The following SLC50A1 variants were observed in gnomAD, a reference collection of about 807,000 sequenced individuals.
The protein encoded by SLC50A1 is solute carrier family 50 member 1.
Under a neutral mutation model 28.9 loss-of-function variants are expected in SLC50A1, and 22 were observed. The ratio of observed to expected loss-of-function variants is 0.76; its 90% CI spans 0.54 to 1.09. SLC50A1 has a LOEUF of 1.09. Among genes scored for constraint, SLC50A1 ranks in the 50% least tolerant of loss-of-function variants. The pLI, the probability that SLC50A1 is intolerant of heterozygous loss-of-function variation, is 0.00. For missense variants in SLC50A1, 233 were observed against 273.4 expected (o/e 0.85, Z 1.04); for synonymous variants, 96 against 110.6 (o/e 0.87, Z 0.83).
intron 2 of SLC50A1, 93 bp from the exon 3 acceptor site, chr1:155,136,735 T>G (rs1488853661): frequency 3.2e-5 from 48 of 1,511,098 alleles, no homozygotes; most frequent in Middle Eastern, 1.9e-4. Context: ...AGAGCGAGAC[T>G]ACGTCTCAAA....
At position 155,136,882 on chromosome 1, in the gene SLC50A1, C is replaced by T. The variant is rs541286459; in HGVS notation, c.213C>T (p.Val71=). 3.1e-6 allele frequency: 5 copies of T among 1,614,214 alleles called. No individual in the cohort carries two copies. The highest frequency in any genetic ancestry group is 2.7e-5 in the African/African-American group (2 of 75,066). ...TGAAGGGAGACGGGATCCTCATCGTCGTCAACACAGTGGGTGCTGCGCTTC... is the reference window on the plus strand; with the variant it reads ...TGAAGGGAGACGGGATCCTCATCGTTGTCAACACAGTGGGTGCTGCGCTTC... ...GALKGDGILI[V]VNTVGAALQT... is the part of the protein sequence containing the mutation. The change falls in exon 3 of 6, where the codon GTC becomes GTT. Residue 71 remains valine, a synonymous_variant. Transcript: ENST00000368404.
At chr1:155,135,489 C>CTGAA (rs760954188), upstream of SLC50A1, 790 of 1,197,840 alleles carry the variant, frequency 6.6e-4, no homozygotes, top group Non-Finnish European at 8.5e-4. Flanking sequence ...GGAAAGCGTG[C>CTGAA]TGAAGTCTTG....
intron 2 of SLC50A1, 110 bp downstream of exon 2, chr1:155,136,486 G>C (rs1031885260): frequency 9.9e-7 from 1 of 1,007,284 alleles, no homozygotes; most frequent in Non-Finnish European, 1.5e-6. Context: ...GCTCACGCCT[G>C]TAATCCCTGC....
At chr1:155,135,827 C>T, upstream of SLC50A1, 1 of 1,587,392 alleles carries the variant, frequency 6.3e-7, no homozygotes, top group South Asian at 1.1e-5. Flanking sequence ...GGCGGGGCTC[C>T]AGAGCCGCAG....
chr1:155,137,265 T>A, intron 3 of SLC50A1: 1 of 545,276 alleles, frequency 1.8e-6, no homozygotes, highest in South Asian at 2.3e-5. Flanking sequence ...TGGGTGAGAA[T>A]GAGATGATTA....
chr1:155,135,697 T>A, upstream of SLC50A1: 1 of 1,550,050 alleles, frequency 6.5e-7, no homozygotes, highest in Non-Finnish European at 8.7e-7. Context: ...ACCAGGGTAC[T>A]GGGAAGGCGC....
In SLC50A1 at chr1:155,136,861, G is replaced by T. The variant is rs369511490; in HGVS notation, c.192G>T (p.Lys64Asn). 1.2e-6 allele frequency: 2 copies of T among 1,614,100 alleles called. No homozygotes were observed. The highest frequency in any genetic ancestry group is 1.1e-5 in the South Asian group (1 of 91,094). ...NLGWLSYGAL[K>N]GDGILIVVNT... is the part of the protein sequence containing the mutation. ...GCTGGCTGAGTTATGGGGCTTTGAA[G>T]GGAGACGGGATCCTCATCGTCGTCA... is the stretch of plus-strand genomic sequence containing the variant. Residue 64 changes from lysine (K) to asparagine (N), a missense_variant, in exon 3 of 6, where the codon AAG (lysine) becomes AAT (asparagine). Lys to Asn is a moderately conservative substitution (Grantham distance 94, BLOSUM62 0). Coordinates refer to ENST00000368404, the MANE Select transcript of SLC50A1 (RefSeq NM_018845.4).
At chr1:155,136,122 G>C in intron 1 of SLC50A1, 131 bp downstream of exon 1, 1 of 1,207,788 alleles carries the variant, frequency 8.3e-7, no homozygotes, top group African/African-American at 1.5e-5. Flanking sequence ...CGAGGGGACC[G>C]GGGTACAAGG....
At position 155,136,915 on chromosome 1, in the gene SLC50A1, GTA is replaced by G. The variant is rs1157548278; in HGVS notation, c.250_251del (p.Ile84LeufsTer39). 13 of 1,614,098 alleles carry G rather than the reference GTA, an allele frequency of 8.1e-6. No homozygotes were observed. The highest frequency in any genetic ancestry group is 1.0e-5 in the Non-Finnish European group (12 of 1,180,040). On this transcript the variant is annotated frameshift_variant, in exon 3 of 6. Transcript: ENST00000368404. LOFTEE classifies it high-confidence loss of function. Reference protein sequence around the residue: ...NTVGAALQTLYILAYLHYCPR... With the variant: ...NTVGAALQTLXILAYLHYCPR... The stretch of plus-strand genomic sequence containing the variant: ...CAGTGGGTGCTGCGCTTCAGACCCT[GTA>G]TATCTTGGCATATCTGCATTACTGC...
At position 155,135,901 on chromosome 1, in the gene SLC50A1, C is replaced by G; in HGVS notation, c.-11C>G. On this transcript the variant is annotated 5_prime_UTR_variant, in exon 1 of 6. Transcript: ENST00000368404. ...GGCGGGCGCTGGGCGCGGGATCCGA[C>G]TCTAGTCGTAATGGAGGCGGGCGGC... 1 of 1,613,514 alleles carries G rather than the reference C, an allele frequency of 6.2e-7. No individual in the cohort carries two copies. The highest frequency in any genetic ancestry group is 8.5e-7 in the Non-Finnish European group (1 of 1,179,842).
In SLC50A1 at chr1:155,137,626, G is replaced by C; in HGVS notation, c.348G>C (p.Trp116Cys). The stretch of plus-strand genomic sequence containing the variant: ...TTCTCCTGGGTTATGGCTACTTTTG[G>C]CTCCTGGTACCCAACCCTGAGGCCC... ...GVLLLGYGYF[W>C]LLVPNPEARL... is the part of the protein sequence containing the mutation. Residue 116 changes from tryptophan to cysteine, a missense_variant, in exon 4 of 6, where the codon TGG becomes TGC. Trp to Cys is a radical substitution (Grantham distance 215). Coordinates refer to ENST00000368404, the MANE Select transcript of SLC50A1 (RefSeq NM_018845.4). The C allele has an allele frequency of 6.2e-7, 1 of 1,614,204 alleles. No individual in the cohort carries two copies. Among genetic ancestry groups the C allele is most frequent in the Non-Finnish European group, 8.5e-7 (1 of 1,180,032 alleles).
intron 2 of SLC50A1, 33 bp downstream of exon 2, chr1:155,136,409 G>T (rs567617462): frequency 6.3e-7 from 1 of 1,595,886 alleles, no homozygotes; most frequent in Non-Finnish European, 8.6e-7. Flanking sequence ...AGTGGGAAAG[G>T]CTACCAGAGG....
rs1664638064 is a variant in SLC50A1, at chr1:155,138,617, G to C, written c.*336G>C. 1 of 260,190 alleles carries C rather than the reference G, an allele frequency of 3.8e-6. No homozygotes were observed. The highest frequency in any genetic ancestry group is 2.2e-5 in the African/African-American group (1 of 45,018). The allele number at this position is 260,190 out of a possible 1,614,324, so 16.1% of individuals were successfully genotyped here. A position where few individuals can be genotyped will look rare whatever the true frequency, so the allele number is the denominator to read the frequency against. ...AGGTGGGCGGATCGCCTGAGGTCAGGAGTTCAAGACCAACCTGACTAACAT... is the reference window on the plus strand; with the variant it reads ...AGGTGGGCGGATCGCCTGAGGTCAGCAGTTCAAGACCAACCTGACTAACAT... On this transcript the variant is annotated 3_prime_UTR_variant, in exon 6 of 6. Coordinates refer to ENST00000368404, the MANE Select transcript of SLC50A1 (RefSeq NM_018845.4).
intron 3 of SLC50A1, 24 bp from the exon 4 acceptor site, chr1:155,137,537 G>T (rs1373910296): frequency 3.7e-6 from 6 of 1,613,034 alleles, no homozygotes; most frequent in Non-Finnish European, 5.1e-6. Context: ...ACATCTGGAA[G>T]TAAGGGTACT....
chr1:155,135,733 G>T, upstream of SLC50A1: 1 of 1,549,458 alleles, frequency 6.5e-7, no homozygotes, highest in Non-Finnish European at 8.7e-7. Context: ...GCGAGTTCCG[G>T]TTCGGCGTCG....
In SLC50A1 at chr1:155,138,487, G is replaced by A; in HGVS notation, c.*206G>A. ...ATGAAATCACTTTTTATTTTTTAGA[G>A]ATTTTTTTTTTTAATTTTGGAGGTT... On this transcript the variant is annotated 3_prime_UTR_variant, in exon 6 of 6. Transcript: ENST00000368404. 5.2e-6 allele frequency: 3 copies of A among 576,126 alleles called. No homozygotes were observed. Among genetic ancestry groups the A allele is most frequent in the South Asian group, 4.7e-5 (2 of 42,310 alleles). 35.7% of individuals were successfully genotyped at this position (576,126 alleles called of 1,614,324 possible).
intron 4 of SLC50A1, 123 bp downstream of exon 4, chr1:155,137,845 T>G (rs1205346866): frequency 6.3e-7 from 1 of 1,576,584 alleles, no homozygotes; most frequent in Non-Finnish European, 8.6e-7. Context: ...GCAGTAGAAG[T>G]GGGCGAGTGG....
At chr1:155,137,454 A>G (rs1163091948) in intron 3 of SLC50A1, 107 bp from the exon 4 acceptor site, 3 of 1,409,822 alleles carry the variant, frequency 2.1e-6, no homozygotes, top group Non-Finnish European at 2.9e-6. Flanking sequence ...CTGGAGGCCT[A>G]GACAGCTTGG....
Position 155,135,947 on chromosome 1 carries a change from C to T in SLC50A1, c.36C>T (p.Tyr12=). ...EAGGFLDSLI[Y]GACVVFTLGM... Reference sequence around the variant, plus strand: ...GCGGCTTTCTGGACTCGCTCATTTACGGAGCATGCGTGGTCTTCACCCTTG... The same window carrying T: ...GCGGCTTTCTGGACTCGCTCATTTATGGAGCATGCGTGGTCTTCACCCTTG... Residue 12 remains tyrosine (Y), a synonymous_variant, in exon 1 of 6, where the codon TAC becomes TAT. Transcript: ENST00000368404. 1.9e-6 allele frequency: 3 copies of T among 1,614,050 alleles called. No homozygotes were observed. Among genetic ancestry groups the T allele is most frequent in the Non-Finnish European group, 2.5e-6 (3 of 1,180,010 alleles).
Sources: gnomAD v4.1 joint callset for allele counts on GRCh38, gnomAD v4.1.1 for gene constraint, MANE v1.5 for transcripts, NCBI Gene and HGNC (gene_info 2026-07-23, HGNC 2026-07-21) for gene names.